The following VPS41 variants were observed in gnomAD, a reference collection of about 807,000 sequenced individuals.
VPS41 encodes VPS41 subunit of HOPS complex.
VPS41 carries 85 observed loss-of-function variants against 130.9 expected under a neutral mutation model. That is an observed-to-expected ratio of 0.65 (90% CI 0.55 to 0.78). The LOEUF is 0.78. VPS41 is among the 30% of genes least tolerant of loss of function. The pLI is 0.00. For missense variants in VPS41, 874 were observed against 1,018.7 expected (o/e 0.86, Z 1.93); for synonymous variants, 335 against 332.9 (o/e 1.01, Z -0.07).
At chr7:38,751,879 G>A (rs192968974) in intron 22 of VPS41, among the ~76,000 whole-genome samples, 3 of 152,304 alleles carry the variant, frequency 2.0e-5, no homozygotes, top group African/African-American at 4.8e-5. Flanking sequence ...GATGGACTGA[G>A]ACTTCTAATA....
At chr7:38,757,443 T>C (rs1441902848) in intron 18 of VPS41, among the ~76,000 whole-genome samples, 1 of 152,158 alleles carries the variant, frequency 6.6e-6, no homozygotes, top group African/African-American at 2.4e-5. Flanking sequence ...GAAACAATGT[T>C]TTTCACATTA....
At chr7:38,836,127 A>G (rs555608550) in intron 4 of VPS41, among the ~76,000 whole-genome samples, 2 of 152,078 alleles carry the variant, frequency 1.3e-5, no homozygotes, top group East Asian at 3.9e-4. Context: ...GCATTGGCTT[A>G]GTTACATTAT....
chr7:38,726,417 G>C, intron 28 of VPS41, 91 bp from the exon 29 acceptor site: 1 of 978,380 alleles, frequency 1.0e-6, no homozygotes, highest in Non-Finnish European at 1.6e-6. Context: ...TTAGTCAGGG[G>C]GTGGAGAGGA....
intron 7 of VPS41, among the ~76,000 whole-genome samples, chr7:38,800,576 G>A (rs954655491): frequency 2.0e-5 from 3 of 152,192 alleles, no homozygotes; most frequent in Admixed American, 1.3e-4. Context: ...GCTCATGCCT[G>A]TAATCCCAGC....
chr7:38,790,824 T>C (rs1305787085), intron 9 of VPS41, among the ~76,000 whole-genome samples: 1 of 152,228 alleles, frequency 6.6e-6, no homozygotes, highest in African/African-American at 2.4e-5. Context: ...CAACCCCCTT[T>C]GGGGGCATAT....
chr7:38,808,700 C>G (rs977796626), intron 7 of VPS41, among the ~76,000 whole-genome samples: 4 of 152,052 alleles, frequency 2.6e-5, no homozygotes, highest in Non-Finnish European at 4.4e-5. Flanking sequence ...TGAAAACTTG[C>G]GGAAATACTA....
Position 38,789,729 on chromosome 7 carries a change from G to T in VPS41, c.784+72C>A, listed in dbSNP as rs577270868. 1.1e-4 allele frequency: 161 copies of T among 1,475,964 alleles called. 1 individual carries two copies. The South Asian group carries it at 1.4e-3, about 13-fold the overall frequency. 91.4% of individuals were successfully genotyped at this position (1,475,964 alleles called of 1,614,324 possible). ...TCCAGGCAAAAGACTATGGCAGTCT[G>T]GGTGAGATTAATGAAGACGAAAATT... is the stretch of plus-strand genomic sequence containing the variant. On this transcript the variant is annotated intron_variant, in intron 10 of 28. Coordinates refer to ENST00000310301, the MANE Select transcript of VPS41 (RefSeq NM_014396.4).
At chr7:38,828,192 A>G (rs1785317176) in intron 5 of VPS41, among the ~76,000 whole-genome samples, 1 of 152,164 alleles carries the variant, frequency 6.6e-6, no homozygotes, top group South Asian at 2.1e-4. Flanking sequence ...CCTTGTATGT[A>G]CTTATCCTAA....
intron 1 of VPS41, among the ~76,000 whole-genome samples, chr7:38,907,766 A>C (rs1394563990): frequency 6.6e-6 from 1 of 152,196 alleles, no homozygotes. Context: ...TTTCTATTCC[A>C]CTATATCTAA....
intron 4 of VPS41, among the ~76,000 whole-genome samples, chr7:38,832,365 G>C (rs1785406868): frequency 7.1e-6 from 1 of 140,370 alleles, no homozygotes; most frequent in African/African-American, 2.6e-5. Flanking sequence ...CTGTCACCAG[G>C]CTACAGTGCA....
intron 3 of VPS41, among the ~76,000 whole-genome samples, chr7:38,867,642 T>C (rs1047999543): frequency 6.6e-6 from 1 of 152,152 alleles, no homozygotes; most frequent in East Asian, 1.9e-4. Flanking sequence ...TGTTCATACC[T>C]GACATTTTCA....
intron 6 of VPS41, among the ~76,000 whole-genome samples, chr7:38,820,092 G>A (rs569385011): frequency 1.4e-4 from 22 of 152,206 alleles, no homozygotes; most frequent in African/African-American, 5.1e-4. Flanking sequence ...AACCTGAACT[G>A]ACCCTGAGCT....
At chr7:38,761,599 T>C (rs1783923369) in intron 17 of VPS41, among the ~76,000 whole-genome samples, 1 of 151,474 alleles carries the variant, frequency 6.6e-6, no homozygotes, top group African/African-American at 2.4e-5. Context: ...AGCCTCTTTC[T>C]TTCTTTTTGT....
chr7:38,807,547 A>G (rs1377357857), intron 7 of VPS41, among the ~76,000 whole-genome samples: 1 of 152,172 alleles, frequency 6.6e-6, no homozygotes, highest in Admixed American at 6.5e-5. Flanking sequence ...ACTATATTCT[A>G]CCTACACCAT....
At chr7:38,726,792 C>T in intron 28 of VPS41, 117 bp downstream of exon 28, 2 of 856,530 alleles carry the variant, frequency 2.3e-6, no homozygotes, top group South Asian at 3.7e-5. Context: ...TATAAATCCA[C>T]ATTGTAATTT....
intron 3 of VPS41, among the ~76,000 whole-genome samples, chr7:38,867,127 G>A (rs1786245991): frequency 6.6e-6 from 1 of 152,166 alleles, no homozygotes; most frequent in Admixed American, 6.5e-5. Flanking sequence ...ATATAGATAC[G>A]AGGTAGATTT....
chr7:38,825,159 G>A (rs996488018), intron 5 of VPS41, among the ~76,000 whole-genome samples: 2 of 152,214 alleles, frequency 1.3e-5, no homozygotes, highest in African/African-American at 2.4e-5. Flanking sequence ...GTAGGGGCTG[G>A]AGGAGTAACT....
intron 4 of VPS41, among the ~76,000 whole-genome samples, chr7:38,859,470 T>C (rs148951347): frequency 6.6e-6 from 1 of 152,270 alleles, no homozygotes; most frequent in South Asian, 2.1e-4. Context: ...TACAGATGTA[T>C]CATTTGTCAT....
intron 25 of VPS41, among the ~76,000 whole-genome samples, chr7:38,729,619 G>A (rs910411963): frequency 6.6e-6 from 1 of 152,122 alleles, no homozygotes; most frequent in Non-Finnish European, 1.5e-5. Flanking sequence ...CTTCCTGCCT[G>A]GAGAATGACA....
Sources: allele counts gnomAD v4.1 joint callset (sites outside exome capture counted in the v4.1 genomes callset), GRCh38; gene constraint gnomAD v4.1.1; transcripts MANE v1.5; gene names NCBI Gene and HGNC (gene_info 2026-07-23, HGNC 2026-07-21).